The following CMKLR2 variants were observed in gnomAD, a reference collection of about 807,000 sequenced individuals.
CMKLR2 encodes the protein chemerin-like receptor 2.
Under a neutral mutation model 23.0 loss-of-function variants are expected in CMKLR2, and 18 were observed. The ratio of observed to expected loss-of-function variants is 0.78; its 90% CI spans 0.54 to 1.16. The LOEUF (loss-of-function observed/expected upper bound fraction) is 1.16. Ranked by LOEUF, CMKLR2 falls within the 50% of genes most tolerant of loss-of-function variation. The pLI, the probability that CMKLR2 is intolerant of heterozygous loss-of-function variation, is 0.00. For missense variants in CMKLR2, 401 were observed against 412.7 expected (o/e 0.97, Z 0.25); for synonymous variants, 158 against 158.9 (o/e 0.99, Z 0.05).
At chr2:206,202,514 G>A (rs1380443109) in intron 1 of CMKLR2, among the ~76,000 whole-genome samples, 2 of 152,172 alleles carry the variant, frequency 1.3e-5, no homozygotes, top group African/African-American at 4.8e-5. Context: ...AGACTGGAGT[G>A]CAGTGGCGCA....
chr2:206,187,084 T>C (rs1428901079), intron 1 of CMKLR2, among the ~76,000 whole-genome samples: 1 of 152,110 alleles, frequency 6.6e-6, no homozygotes, highest in Admixed American at 6.5e-5. Flanking sequence ...CAGTAGCTCA[T>C]GCCTGTAATC....
At chr2:206,210,328 T>G (rs989876122) in intron 1 of CMKLR2, among the ~76,000 whole-genome samples, 1 of 152,218 alleles carries the variant, frequency 6.6e-6, no homozygotes, top group Non-Finnish European at 1.5e-5. Flanking sequence ...GGACATGATC[T>G]AATTCCTTTT....
intron 1 of CMKLR2, among the ~76,000 whole-genome samples, chr2:206,187,377 G>C (rs1688614436): frequency 6.6e-6 from 1 of 152,196 alleles, no homozygotes; most frequent in Non-Finnish European, 1.5e-5. Context: ...GCGCAACTTT[G>C]GGGCAGAGCA....
chr2:206,212,247 C>T (rs1689596766), intron 1 of CMKLR2, among the ~76,000 whole-genome samples: 1 of 152,064 alleles, frequency 6.6e-6, no homozygotes, highest in Admixed American at 6.6e-5. Flanking sequence ...CTTTTATAAA[C>T]TAAATGACTT....
At chr2:206,190,898 A>G (rs906751839) in intron 1 of CMKLR2, among the ~76,000 whole-genome samples, 1 of 152,236 alleles carries the variant, frequency 6.6e-6, no homozygotes, top group Admixed American at 6.5e-5. Context: ...CCGGAAGTCA[A>G]CGCCTACTTA....
intron 1 of CMKLR2, among the ~76,000 whole-genome samples, chr2:206,190,380 A>G (rs997472076): frequency 5.3e-5 from 8 of 152,188 alleles, no homozygotes; most frequent in East Asian, 3.9e-4. Flanking sequence ...GTGACAGAAT[A>G]TTTGTTTTTG....
chr2:206,216,488 C>A (rs6720480), upstream of CMKLR2, among the ~76,000 whole-genome samples: 2 of 151,918 alleles, frequency 1.3e-5, no homozygotes, highest in African/African-American at 4.8e-5. Flanking sequence ...CACTGTATTG[C>A]GCAGGCAGGT....
chr2:206,193,375 A>G (rs557289070), intron 1 of CMKLR2, among the ~76,000 whole-genome samples: 3 of 152,336 alleles, frequency 2.0e-5, no homozygotes, highest in African/African-American at 7.2e-5. Flanking sequence ...CTGGGATTAC[A>G]TCACACCTGG....
At chr2:206,188,386 G>T (rs186256649) in intron 1 of CMKLR2, among the ~76,000 whole-genome samples, 1 of 152,152 alleles carries the variant, frequency 6.6e-6, no homozygotes, top group Admixed American at 6.5e-5. Flanking sequence ...AAGGCTTTTC[G>T]ACTTGACAGA....
chr2:206,211,400 C>A lies in CMKLR2; in HGVS notation c.-29+1907G>T, dbSNP rs1424644343. On this transcript the variant is annotated intron_variant, in intron 1 of 1. Transcript: ENST00000621141. Reference sequence around the variant, plus strand: ...AGTGCAGTGGCACGATCTTAGCTCACCGCAGCCTCCGCCTCCCGGGTTCAA... The same window carrying A: ...AGTGCAGTGGCACGATCTTAGCTCAACGCAGCCTCCGCCTCCCGGGTTCAA... Among the ~76,000 whole-genome samples the A allele has an allele frequency of 2.0e-5, 3 of 152,164 alleles. No individual in the cohort carries two copies. In the East Asian group the frequency reaches 5.8e-4, roughly 29 times the overall value.
At chr2:206,185,049 A>G (rs2105807355) in intron 1 of CMKLR2, among the ~76,000 whole-genome samples, 1 of 152,160 alleles carries the variant, frequency 6.6e-6, no homozygotes, top group South Asian at 2.1e-4. Flanking sequence ...GTGCAGTGGC[A>G]TGATCTCGAC....
intron 1 of CMKLR2, among the ~76,000 whole-genome samples, chr2:206,206,916 C>CTTT (rs1553516173): frequency 9.8e-5 from 3 of 30,682 alleles, no homozygotes; most frequent in African/African-American, 3.0e-4. Context: ...TCCCCCTGCC[C>CTTT]CTTTTTTTTT....
chr2:206,212,099 A>G (rs1689590448), intron 1 of CMKLR2, among the ~76,000 whole-genome samples: 1 of 152,174 alleles, frequency 6.6e-6, no homozygotes, highest in African/African-American at 2.4e-5. Context: ...TAACACATCT[A>G]TTATCAGTTT....
chr2:206,181,622 G>C (rs760328160), intron 1 of CMKLR2, among the ~76,000 whole-genome samples: 105 of 152,198 alleles, frequency 6.9e-4, no homozygotes, highest in Non-Finnish European at 1.1e-3. Flanking sequence ...ACGTATTCTT[G>C]CAATAAAGTA....
chr2:206,188,431 A>G (rs1030979201), intron 1 of CMKLR2, among the ~76,000 whole-genome samples: 6 of 152,216 alleles, frequency 3.9e-5, no homozygotes, highest in East Asian at 1.9e-4. Context: ...GTCTTAAACC[A>G]TATGTGCTGC....
rs2105795871 is a variant in CMKLR2 at position 206,176,461 on chromosome 2, G to C, written c.787C>G (p.His263Asp). Residue 263 changes from histidine (H) to aspartate (D), a missense_variant, in exon 2 of 2, where the codon CAC (histidine) becomes GAC (aspartate). Transcript: ENST00000621141. ...GTGAGCTCCCAAATGCTAAACAGGT[G>C]ATAAGGAGTCCAGCAAACCACAAAG... is the stretch of plus-strand genomic sequence containing the variant. ...VAFVVCWTPY[H>D]LFSIWELTIH... 1.2e-6 allele frequency: 2 copies of C among 1,614,178 alleles called. No homozygotes were observed. The highest frequency in any genetic ancestry group is 1.1e-5 in the South Asian group (1 of 91,086).
chr2:206,201,989 T>C (rs932705671), intron 1 of CMKLR2, among the ~76,000 whole-genome samples: 2 of 152,222 alleles, frequency 1.3e-5, no homozygotes, highest in African/African-American at 4.8e-5. Context: ...TGAGGGGCGC[T>C]AATGTTAGCT....
chr2:206,194,744 CTTTTTTTTTTTTTT>C (rs745647131), intron 1 of CMKLR2, among the ~76,000 whole-genome samples: 1 of 76,870 alleles, frequency 1.3e-5, no homozygotes, highest in South Asian at 4.6e-4. Flanking sequence ...CCATCATAGA[CTTTTTTTTTTTTTT>C]TTTTTTTTTT....
rs1198313778 is a variant in CMKLR2 at position 206,175,519 on chromosome 2, CAG to C, written c.*659_*660del. The stretch of plus-strand genomic sequence containing the variant: ...CTATTTTATTTATTTATTTTTGAGA[CAG>C]AGTTTTACTCTTGTTGCCCAGGCTG... On this transcript the variant is annotated 3_prime_UTR_variant, in exon 2 of 2. Transcript: ENST00000621141. 4 of 152,046 alleles carry C rather than the reference CAG, an allele frequency of 2.6e-5. No homozygotes were observed. The highest frequency in any genetic ancestry group is 4.4e-5 in the Non-Finnish European group (3 of 68,018). The allele number at this position is 152,046 out of a possible 1,614,324, so 9.4% of individuals were successfully genotyped here. A position where few individuals can be genotyped will look rare whatever the true frequency, so the allele number is the denominator to read the frequency against.
Sources: gnomAD v4.1 joint callset for allele counts (sites outside exome capture counted in the v4.1 genomes callset) on GRCh38, gnomAD v4.1.1 for gene constraint, MANE v1.5 for transcripts, NCBI Gene and HGNC (gene_info 2026-07-23, HGNC 2026-07-21) for gene names.